Variants in GLI2 observed in about 807,000 individuals in gnomAD.
GLI2 encodes transcription activator GLI2.
GLI2 carries 22 observed loss-of-function variants against 78.9 expected under a neutral mutation model. The ratio of observed to expected loss-of-function variants is 0.28; its 90% CI spans 0.20 to 0.40. The LOEUF (loss-of-function observed/expected upper bound fraction) is 0.40, where lower values mean the gene tolerates loss of function less well. Among genes scored for constraint, GLI2 ranks in the 10% least tolerant of loss-of-function variants. The pLI is 1.00. For missense variants in GLI2, 2,097 were observed against 2,213.2 expected (o/e 0.95, Z 1.05); for synonymous variants, 974 against 963.7 (o/e 1.01, Z -0.20).
intron 2 of GLI2, among the ~76,000 whole-genome samples, chr2:120,820,815 C>G (rs777115630): frequency 2.0e-5 from 3 of 152,202 alleles, no homozygotes; most frequent in Non-Finnish European, 4.4e-5. Context: ...ACGGAGCAGG[C>G]AGATGTGGGC....
intron 1 of GLI2, among the ~76,000 whole-genome samples, chr2:120,770,191 G>C (rs1683483889): frequency 6.6e-6 from 1 of 152,156 alleles, no homozygotes; most frequent in South Asian, 2.1e-4. Flanking sequence ...CCAGCACCCA[G>C]CTCCAAACAC....
intron 4 of GLI2, 92 bp downstream of exon 4, chr2:120,951,537 C>A (rs971910920): frequency 3.9e-6 from 3 of 762,190 alleles, no homozygotes; most frequent in South Asian, 1.8e-5. Context: ...AACTCCTCAG[C>A]CTTGGTCCCC....
intron 5 of GLI2, among the ~76,000 whole-genome samples, chr2:120,963,232 C>G (rs1329049985): frequency 6.6e-6 from 1 of 152,232 alleles, no homozygotes; most frequent in Admixed American, 6.5e-5. Flanking sequence ...TTAGCAATTT[C>G]ATTTTGGAAT....
chr2:120,832,512 C>T (rs1402016003), intron 2 of GLI2, among the ~76,000 whole-genome samples: 3 of 152,224 alleles, frequency 2.0e-5, no homozygotes, highest in South Asian at 4.1e-4. Flanking sequence ...CTCTAAACCT[C>T]GCTTGCTTCT....
chr2:120,970,073 G>A (rs1044843396), intron 6 of GLI2, among the ~76,000 whole-genome samples: 7 of 152,310 alleles, frequency 4.6e-5, no homozygotes, highest in East Asian at 1.9e-4. Context: ...AGGGAGCAGC[G>A]ATACAGACAT....
At chr2:120,988,033 G>A (rs1384162197) in intron 13 of GLI2, among the ~76,000 whole-genome samples, 175 bp from the exon 14 acceptor site, 1 of 152,204 alleles carries the variant, frequency 6.6e-6, no homozygotes, top group Non-Finnish European at 1.5e-5. Flanking sequence ...TTCAAGGCCA[G>A]CCTGGGAAAT....
Position 120,955,396 on chromosome 2 carries a change from A to G in GLI2, c.609A>G (p.Ala203=). 6.2e-7 allele frequency: 1 copy of G among 1,610,200 alleles called. No individual in the cohort carries two copies. Among genetic ancestry groups the G allele is most frequent in the Non-Finnish European group, 8.5e-7 (1 of 1,177,644 alleles). ...TGCAGAGCGGGGGCGCTGCCAGCGC[A>G]CCCCATCTCCACGACTACCTCAACC... The part of the protein sequence containing the change: ...LLMQSGGAAS[A]PHLHDYLNPV... The change falls in exon 5 of 14, where the codon GCA becomes GCG. Residue 203 remains alanine, a synonymous_variant. Coordinates refer to ENST00000361492, the MANE Select transcript of GLI2 (RefSeq NM_001374353.1).
intron 2 of GLI2, among the ~76,000 whole-genome samples, chr2:120,865,752 G>A (rs115170125): frequency 1.6e-3 from 247 of 152,342 alleles, no homozygotes; most frequent in African/African-American, 5.4e-3. Flanking sequence ...CTCAAGGGCT[G>A]CTGTATGCCG....
chr2:120,910,672 C>T (rs1467141071), intron 2 of GLI2, among the ~76,000 whole-genome samples: 1 of 152,202 alleles, frequency 6.6e-6, no homozygotes, highest in Non-Finnish European at 1.5e-5. Flanking sequence ...AGAAGAGGGG[C>T]CCATTTTTAA....
chr2:120,838,130 T>C (rs1573457882), intron 2 of GLI2, among the ~76,000 whole-genome samples: 1 of 152,230 alleles, frequency 6.6e-6, no homozygotes, highest in Non-Finnish European at 1.5e-5. Flanking sequence ...TTTCTCCCTA[T>C]ACTTATTGGT....
At chr2:120,881,193 A>G (rs958273201) in intron 2 of GLI2, among the ~76,000 whole-genome samples, 11 of 152,230 alleles carry the variant, frequency 7.2e-5, no homozygotes, top group Non-Finnish European at 1.2e-4. Context: ...GGGCTTCTGA[A>G]TCCTACTCCA....
rs1178252531 is a variant in GLI2, at chr2:120,800,932, G to C, written c.148+3464G>C. Among the ~76,000 whole-genome samples the C allele has an allele frequency of 6.6e-6, 1 of 152,164 alleles. No homozygotes were observed. Among genetic ancestry groups the C allele is most frequent in the Non-Finnish European group, 1.5e-5 (1 of 68,036 alleles). ...GTGAGGAAACAGCCAAATCCTGCAA[G>C]CTGTCAGGGGCTGTTTCCTGGCATC... is the stretch of plus-strand genomic sequence containing the variant. On this transcript the variant is annotated intron_variant, in intron 2 of 13. Transcript: ENST00000361492. The surrounding 1 kb of genome is among the most constrained non-coding windows in gnomAD (Gnocchi z 4.1).
Position 120,932,384 on chromosome 2 carries a change from C to T in GLI2, c.254+4918C>T, listed in dbSNP as rs989904770. 4.6e-5 allele frequency among the ~76,000 whole-genome samples: 7 copies of T among 152,238 alleles called. No homozygotes were observed. In the East Asian group the frequency reaches 1.4e-3, roughly 30 times the overall value. The stretch of plus-strand genomic sequence containing the variant: ...CCCAGACCCCCTCCCCGTTCCCTCT[C>T]AGGATCCTGATAGCTCCAGGGAGGG... On this transcript the variant is annotated intron_variant, in intron 3 of 13. Transcript: ENST00000361492.
At chr2:120,947,176 C>T (rs1300771594) in intron 3 of GLI2, among the ~76,000 whole-genome samples, 2 of 152,194 alleles carry the variant, frequency 1.3e-5, no homozygotes, top group Non-Finnish European at 2.9e-5. Context: ...GCCCTGCTTA[C>T]CACCAACCAG....
chr2:120,905,661 A>T (rs960384509), intron 2 of GLI2, among the ~76,000 whole-genome samples: 1 of 152,164 alleles, frequency 6.6e-6, no homozygotes, highest in Admixed American at 6.5e-5. Flanking sequence ...GTGGCTCCTC[A>T]GGGCTTGGGC....
At chr2:120,880,216 G>T (rs1025337011) in intron 2 of GLI2, among the ~76,000 whole-genome samples, 3 of 152,150 alleles carry the variant, frequency 2.0e-5, no homozygotes, top group African/African-American at 7.2e-5. Flanking sequence ...AGTGCTGAGT[G>T]GTCGCCAGCT....
At chr2:120,972,670 G>T (rs1369548569) in intron 8 of GLI2, 3 of 518,838 alleles carry the variant, frequency 5.8e-6, no homozygotes, top group African/African-American at 1.9e-5. Flanking sequence ...CAGGGTTTGT[G>T]CAAGTGTGCA....
intron 2 of GLI2, among the ~76,000 whole-genome samples, chr2:120,908,614 C>T (rs11122828): frequency 0.31 from 46,676 of 152,056 alleles, 7,404 homozygotes; most frequent in South Asian, 0.48. Flanking sequence ...AGGGAAGACA[C>T]CCCCTGCCCC....
intron 8 of GLI2, 146 bp from the exon 9 acceptor site, chr2:120,974,829 A>G (rs1023809949): frequency 8.4e-6 from 9 of 1,068,360 alleles, no homozygotes; most frequent in African/African-American, 3.1e-5. Context: ...GTGTGTGTGC[A>G]CACACACCTG....
Sources: gnomAD v4.1 joint callset for allele counts (sites outside exome capture counted in the v4.1 genomes callset) on GRCh38, gnomAD v4.1.1 for gene constraint, Gnocchi (gnomAD v3.1) non-coding constraint, MANE v1.5 for transcripts, NCBI Gene and HGNC (gene_info 2026-07-23, HGNC 2026-07-21) for gene names.